The following HHLA1 variants were observed in gnomAD, a reference collection of about 807,000 sequenced individuals.
The protein encoded by HHLA1 is HHLA1 neighbor of OC90, also known as HERV-H LTR-associating protein 1.
Under a neutral mutation model 69.9 loss-of-function variants are expected in HHLA1, and 72 were observed. That is an observed-to-expected ratio of 1.03 (90% CI 0.85 to 1.25). The LOEUF (loss-of-function observed/expected upper bound fraction) is 1.25. Ranked by LOEUF, HHLA1 falls within the 50% of genes most tolerant of loss-of-function variation. HHLA1 has a pLI of 0.00. For missense variants in HHLA1, 685 were observed against 642.2 expected, an observed-to-expected ratio of 1.07 and a Z score of -0.72; for synonymous variants, 252 against 233.2, an observed-to-expected ratio of 1.08 and a Z score of -0.73.
rs546484369 is a variant in HHLA1 at position 132,090,090 on chromosome 8, A to G, written c.449-491T>C. Among the ~76,000 whole-genome samples, 13 of 152,342 alleles carry G rather than the reference A, an allele frequency of 8.5e-5. No homozygotes were observed. The South Asian group carries it at 2.7e-3, about 32-fold the overall frequency. ...ATAGAGACAAGACAAGACACTTTCTAAAATTATCACCAGGAACCTTTCCTT... is the reference window on the plus strand; with the variant it reads ...ATAGAGACAAGACAAGACACTTTCTGAAATTATCACCAGGAACCTTTCCTT... On this transcript the variant is annotated intron_variant, in intron 7 of 16. Transcript: ENST00000414222.
intron 7 of HHLA1, among the ~76,000 whole-genome samples, chr8:132,091,167 A>T (rs1398529113): frequency 6.6e-6 from 1 of 152,202 alleles, no homozygotes; most frequent in East Asian, 1.9e-4. Flanking sequence ...TTCATCGAGC[A>T]TTTGCAGTGT....
Position 132,070,198 on chromosome 8 carries a change from T to C in HHLA1, c.1469+1142A>G, listed in dbSNP as rs1823510123. ...GGCCACTGGAGCAGGAGTATTCATC[T>C]ATGTAATTTAGTTCTGGGTTTACAG... On this transcript the variant is annotated intron_variant, in intron 15 of 16. Coordinates refer to ENST00000414222, the MANE Select transcript of HHLA1 (RefSeq NM_001145095.3). 13 of 629,116 alleles carry C rather than the reference T, an allele frequency of 2.1e-5. 2 individuals are homozygous for C. In the South Asian group the frequency reaches 2.4e-4, roughly 12 times the overall value. The allele number at this position is 629,116 out of a possible 1,614,324, so 39.0% of individuals were successfully genotyped here.
intron 14 of HHLA1, 63 bp from the exon 15 acceptor site, chr8:132,071,556 T>C (rs866872813): frequency 6.8e-7 from 1 of 1,470,180 alleles, no homozygotes. Context: ...TTCTCTTCGT[T>C]AAGCCCTGCA....
At chr8:132,075,689 C>T (rs1823625205) in intron 14 of HHLA1, among the ~76,000 whole-genome samples, 1 of 152,188 alleles carries the variant, frequency 6.6e-6, no homozygotes, top group Non-Finnish European at 1.5e-5. Flanking sequence ...TTGCAAAGTG[C>T]CCAGCATGCT....
intron 15 of HHLA1, among the ~76,000 whole-genome samples, chr8:132,070,757 T>A (rs1443418397): frequency 6.6e-6 from 1 of 151,290 alleles, no homozygotes; most frequent in East Asian, 2.0e-4. Context: ...TCAACACAAC[T>A]CAACTCATCT....
chr8:132,078,833 G>C (rs1219106488), intron 11 of HHLA1, among the ~76,000 whole-genome samples: 1 of 152,186 alleles, frequency 6.6e-6, no homozygotes, highest in African/African-American at 2.4e-5. Context: ...ATGACTGAAT[G>C]AATGAATTCT....
At chr8:132,108,679 C>T (rs892249810) in intron 1 of HHLA1, among the ~76,000 whole-genome samples, 7 of 151,994 alleles carry the variant, frequency 4.6e-5, no homozygotes, top group African/African-American at 1.4e-4. Flanking sequence ...GGAAGGCCAT[C>T]GAGAATCAAC....
rs1271879893 is a variant in HHLA1, at chr8:132,077,967, G to A, written c.930C>T (p.Thr310=). Residue 310 remains threonine, a synonymous_variant, in exon 12 of 17, where the codon ACC becomes ACT. Transcript: ENST00000414222. Reference sequence around the variant, plus strand: ...ACCACTGAGTTCTGGCCACCCTCCTGGTAGCTGCACATTCAAAGTGACAGT... The same window carrying A: ...ACCACTGAGTTCTGGCCACCCTCCTAGTAGCTGCACATTCAAAGTGACAGT... The part of the protein sequence containing the change: ...SASHTLPALA[T]RRVARTQWLT... 1.8e-5 allele frequency: 28 copies of A among 1,551,414 alleles called. No individual in the cohort carries two copies. The highest frequency in any genetic ancestry group is 2.4e-5 in the Non-Finnish European group (28 of 1,146,928).
intron 3 of HHLA1, chr8:132,101,088 G>T (rs1824103705): frequency 3.0e-6 from 4 of 1,349,220 alleles, no homozygotes; most frequent in South Asian, 3.7e-5. Context: ...CATGAAAAAT[G>T]ACCATTGCAA....
rs2130891016 is a variant in HHLA1 at position 132,089,519 on chromosome 8, A to C, written c.529T>G (p.Ser177Ala). Residue 177 changes from serine (S) to alanine (A), a missense_variant, in exon 8 of 17, where the codon TCA becomes GCA. Transcript: ENST00000414222. ...TEIFKSTSIL[S>A]VNQSNESDCI... Reference sequence around the variant, plus strand: ...AGCGTTTTCAAGATGAACACACCTGAGAGGATGGAGGTTGACTTAAAAATC... The same window carrying C: ...AGCGTTTTCAAGATGAACACACCTGCGAGGATGGAGGTTGACTTAAAAATC... The C allele has an allele frequency of 6.7e-7, 1 of 1,489,114 alleles. No homozygotes were observed. The highest frequency in any genetic ancestry group is 1.4e-5 in the African/African-American group (1 of 71,894). 92.2% of individuals were successfully genotyped at this position (1,489,114 alleles called of 1,614,324 possible). A position where few individuals can be genotyped will look rare whatever the true frequency, so the allele number is the denominator to read the frequency against.
At chr8:132,074,710 G>A (rs187783881) in intron 14 of HHLA1, among the ~76,000 whole-genome samples, 124 of 152,128 alleles carry the variant, frequency 8.2e-4, no homozygotes, top group African/African-American at 2.7e-3. Context: ...CAGATGGATA[G>A]GCAAATATCT....
At chr8:132,095,815 G>A in intron 5 of HHLA1, 29 bp from the exon 6 acceptor site, 1 of 1,396,040 alleles carries the variant, frequency 7.2e-7, no homozygotes. Flanking sequence ...TAAAGAGACA[G>A]ACAGATGCCT....
intron 15 of HHLA1, among the ~76,000 whole-genome samples, chr8:132,067,422 C>G (rs1823460502): frequency 6.6e-6 from 1 of 152,148 alleles, no homozygotes; most frequent in African/African-American, 2.4e-5. Flanking sequence ...TGTGAAGAAG[C>G]AATTGATGAA....
In HHLA1 at chr8:132,098,901, C is replaced by A. The variant is rs1306490731; in HGVS notation, c.261G>T (p.Met87Ile). The A allele has an allele frequency of 7.7e-6, 12 of 1,550,262 alleles. No homozygotes were observed. Among genetic ancestry groups the A allele is most frequent in the Non-Finnish European group, 9.6e-6 (11 of 1,145,824 alleles). The change falls in exon 5 of 17, where the codon ATG becomes ATT. Residue 87 changes from methionine to isoleucine, a missense_variant. By Grantham distance (10) the Met-to-Ile change is conservative. Coordinates refer to ENST00000414222, the MANE Select transcript of HHLA1 (RefSeq NM_001145095.3). Reference protein sequence around the residue: ...ALNLTELVNGMLSRALKDSKK... With the variant: ...ALNLTELVNGILSRALKDSKK... The stretch of plus-strand genomic sequence containing the variant: ...GATTACCTTTTAACGCTCTACTGAG[C>A]ATCCCATTCACAAGCTCTGTCAGGT...
chr8:132,110,276 C>A (rs1824274798), intron 1 of HHLA1, among the ~76,000 whole-genome samples: 1 of 152,140 alleles, frequency 6.6e-6, no homozygotes, highest in Non-Finnish European at 1.5e-5. Flanking sequence ...CAGCCAGTAA[C>A]CTTCCATATA....
At chr8:132,099,273 T>C (rs547049558) in intron 4 of HHLA1, among the ~76,000 whole-genome samples, 23 of 152,348 alleles carry the variant, frequency 1.5e-4, no homozygotes, top group African/African-American at 5.1e-4. Flanking sequence ...TCAAGCATAA[T>C]GGGAAGCCCA....
intron 10 of HHLA1, chr8:132,080,793 AGGG>A (rs1025888326): frequency 5.3e-5 from 8 of 152,326 alleles, no homozygotes; most frequent in African/African-American, 1.9e-4. Flanking sequence ...GATGTTTCTC[AGGG>A]CTGCTTCAAG....
chr8:132,076,663 C>T (rs981243048), intron 12 of HHLA1, 120 bp from the exon 13 acceptor site: 2 of 541,656 alleles, frequency 3.7e-6, no homozygotes, highest in East Asian at 6.9e-5. Context: ...AGGTACCAGG[C>T]AGGGCTTTAA....
At chr8:132,064,548 A>C (rs1347139116) in intron 16 of HHLA1, among the ~76,000 whole-genome samples, 1 of 152,190 alleles carries the variant, frequency 6.6e-6, no homozygotes, top group Non-Finnish European at 1.5e-5. Context: ...TTGGTCATTT[A>C]ATGCAGGATG....
Sources: gnomAD v4.1 joint callset for allele counts (sites outside exome capture counted in the v4.1 genomes callset) on GRCh38, gnomAD v4.1.1 for gene constraint, MANE v1.5 for transcripts, NCBI Gene and HGNC (gene_info 2026-07-23, HGNC 2026-07-21) for gene names.